NLRP1: variants seen among roughly 807,000 people sequenced by gnomAD.
The protein encoded by NLRP1 is NACHT, LRR and PYD domains-containing protein 1.
A neutral mutation model predicts 136.7 loss-of-function variants in NLRP1; 94 were observed. That is an observed-to-expected ratio of 0.69 (90% CI 0.58 to 0.82). The LOEUF (loss-of-function observed/expected upper bound fraction) is 0.82. Ranked by LOEUF, NLRP1 falls within the 40% of genes least tolerant of loss-of-function variation. The probability of loss-of-function intolerance (pLI) is 0.00; values close to 1 mark genes in which losing one functional copy is unlikely to be tolerated. For synonymous variants in NLRP1, 690 were observed against 725.1 expected (o/e 0.95, Z 0.78); for missense variants, 1,575 against 1,802.7 (o/e 0.87, Z 2.29).
At chr17:5,581,828 C>G (rs200670679) in intron 3 of NLRP1, 31 bp downstream of exon 3, 82 of 1,583,344 alleles carry the variant, frequency 5.2e-5, no homozygotes, top group Non-Finnish European at 6.9e-5. Flanking sequence ...TCCCACCTCA[C>G]CACCCCGCCA....
rs866602691 is a variant in NLRP1, at chr17:5,521,688, G to C, written c.3619C>G (p.Leu1207Val). The part of the protein sequence containing the change: ...PARVELHHIV[L>V]ENPSFSPLGV... ...AAGGGGGAGAAGCTGGGGTTTTCCA[G>C]AACTATGTGATGCAGCTCCACCCTG... is the stretch of plus-strand genomic sequence containing the variant. Residue 1207 changes from leucine to valine, a missense_variant, in exon 13 of 17, where the codon CTG (leucine) becomes GTG (valine). Transcript: ENST00000572272. 2 of 1,613,668 alleles carry C rather than the reference G, an allele frequency of 1.2e-6. No individual in the cohort carries two copies. The highest frequency in any genetic ancestry group is 4.5e-5 in the East Asian group (2 of 44,890).
In NLRP1 at chr17:5,584,272, T is replaced by C. The variant is rs201572973; in HGVS notation, c.-315A>G. On this transcript the variant is annotated 5_prime_UTR_variant, in exon 1 of 17. Coordinates refer to ENST00000572272, the MANE Select transcript of NLRP1 (RefSeq NM_033004.4). The stretch of plus-strand genomic sequence containing the variant: ...TGAGGGGAGATGTGGTGACGGGAGA[T>C]GGGGTGTGGGCAACGCTCACTGTTC... 2 of 441,628 alleles carry C rather than the reference T, an allele frequency of 4.5e-6. No individual in the cohort carries two copies. The highest frequency in any genetic ancestry group is 4.2e-6 in the Non-Finnish European group (1 of 240,760). The allele number at this position is 441,628 out of a possible 1,614,324, so 27.4% of individuals were successfully genotyped here.
intron 12 of NLRP1, 129 bp from the exon 13 acceptor site, chr17:5,521,915 C>T: frequency 1.1e-6 from 1 of 914,898 alleles, no homozygotes; most frequent in Non-Finnish European, 1.6e-6. Flanking sequence ...ACCTCCGCCT[C>T]CTGGGTTCAA....
intron 11 of NLRP1, among the ~76,000 whole-genome samples, chr17:5,531,105 A>G (rs1419848149): frequency 6.6e-6 from 1 of 152,164 alleles, no homozygotes; most frequent in Non-Finnish European, 1.5e-5. Flanking sequence ...AATAATTAAT[A>G]ACAATATATG....
rs138937868 is a variant in NLRP1, at chr17:5,551,986, G to A, written c.2528+1400C>T. On this transcript the variant is annotated intron_variant, in intron 5 of 16. Coordinates refer to ENST00000572272, the MANE Select transcript of NLRP1 (RefSeq NM_033004.4). ...GACAGAGTCTCTCTATGTTGCCCAG[G>A]CTGGTCTCAAACTCCTGGCCTAAGG... is the stretch of plus-strand genomic sequence containing the variant. Among the ~76,000 whole-genome samples, 165 of 151,868 alleles carry A rather than the reference G, an allele frequency of 1.1e-3. 2 individuals carry two copies. Among genetic ancestry groups the A allele is most frequent in the East Asian group, 5.4e-3 (28 of 5,168 alleles).
Position 5,533,978 on chromosome 17 carries a change from C to T in NLRP1, c.2971G>A (p.Val991Met). The T allele has an allele frequency of 6.2e-7, 1 of 1,609,900 alleles. No individual in the cohort carries two copies. Among genetic ancestry groups the T allele is most frequent in the African/African-American group, 1.3e-5 (1 of 74,964 alleles). ...LLIFSRRKPS[V>M]MTPTEGLDTG... ...TCCAGGCCCTCAGTAGGGGTCATCA[C>T]ACTTGGTTTCCTGGACAAAGAATTG... Residue 991 changes from valine to methionine, a missense_variant, in exon 9 of 17, where the codon GTG becomes ATG. Transcript: ENST00000572272.
chr17:5,506,769 G>A (rs1907357371), intron 15 of NLRP1, among the ~76,000 whole-genome samples: 1 of 151,610 alleles, frequency 6.6e-6, no homozygotes, highest in Non-Finnish European at 1.5e-5. Flanking sequence ...GGGCATGATG[G>A]TCGACACCTG....
Position 5,558,485 on chromosome 17 carries a change from A to G in NLRP1, c.2211T>C (p.His737=), listed in dbSNP as rs970466822. Reference sequence around the variant, plus strand: ...CTACACACATGCCCATTTCTTCGAAATGGGCCATCACTTGTGTCAGGAACG... The same window carrying G: ...CTACACACATGCCCATTTCTTCGAAGTGGGCCATCACTTGTGTCAGGAACG... ...NKTFLTQVMA[H]FEEMGMCVET... is the part of the protein sequence containing the mutation. The change falls in exon 4 of 17, where the codon CAT becomes CAC. Residue 737 remains histidine, a synonymous_variant. Coordinates refer to ENST00000572272, the MANE Select transcript of NLRP1 (RefSeq NM_033004.4). The G allele has an allele frequency of 5.0e-6, 8 of 1,613,952 alleles. No homozygotes were observed. The highest frequency in any genetic ancestry group is 4.2e-6 in the Non-Finnish European group (5 of 1,180,034).
chr17:5,549,436 G>A (rs941427538), intron 5 of NLRP1, among the ~76,000 whole-genome samples: 2 of 151,784 alleles, frequency 1.3e-5, no homozygotes, highest in Admixed American at 6.6e-5. Flanking sequence ...GTGCCACCAC[G>A]CCCGGCTAAT....
intron 3 of NLRP1, among the ~76,000 whole-genome samples, chr17:5,571,572 C>T (rs183133969): frequency 3.9e-5 from 6 of 152,242 alleles, no homozygotes; most frequent in Admixed American, 3.3e-4. Context: ...GCAAGAACTA[C>T]AAAACACTGC....
chr17:5,584,012 TCAGG>T lies in NLRP1; in HGVS notation c.-59_-56del. 6.5e-7 allele frequency: 1 copy of T among 1,549,836 alleles called. No individual in the cohort carries two copies. The highest frequency in any genetic ancestry group is 8.8e-7 in the Non-Finnish European group (1 of 1,139,932). On this transcript the variant is annotated 5_prime_UTR_variant, in exon 1 of 17. Coordinates refer to ENST00000572272, the MANE Select transcript of NLRP1 (RefSeq NM_033004.4). ...GGGATGTTCCCAGGTGGTGAGGGTA[TCAGG>T]CAGGCAGAGAACAGTGCTGTCCTTT...
rs1347045059 is a variant in NLRP1, at chr17:5,558,526, C to T, written c.2170G>A (p.Glu724Lys). ...HSLESLHCLY[E>K]TRNKTFLTQV... ...GTCAGGAACGTTTTGTTCCGAGTCT[C>T]GTACAAGCAGTGGAGGGACTCCAGA... is the stretch of plus-strand genomic sequence containing the variant. The change falls in exon 4 of 17, where the codon GAG becomes AAG. Residue 724 changes from glutamate (E) to lysine (K), a missense_variant. Glu to Lys is a moderately conservative substitution (Grantham distance 56, BLOSUM62 1). Transcript: ENST00000572272. 2.5e-6 allele frequency: 4 copies of T among 1,614,010 alleles called. No homozygotes were observed. Among genetic ancestry groups the T allele is most frequent in the Non-Finnish European group, 2.5e-6 (3 of 1,180,000 alleles).
intron 11 of NLRP1, 36 bp from the exon 12 acceptor site, chr17:5,530,740 C>T (rs765866994): frequency 1.5e-5 from 23 of 1,539,784 alleles, no homozygotes; most frequent in Middle Eastern, 3.4e-4. Context: ...ACTTACTGCA[C>T]GAACTCACTG....
chr17:5,509,274 T>TC (rs1907507015), downstream of NLRP1, among the ~76,000 whole-genome samples: 1 of 152,106 alleles, frequency 6.6e-6, no homozygotes, highest in African/African-American at 2.4e-5. Flanking sequence ...CTCAATGGGG[T>TC]CCCCACAATC....
chr17:5,541,793 C>G lies in NLRP1; in HGVS notation c.2699+64G>C. ...GTCTCACCTTCTCTCTGCTCTTACC[C>G]TCTGCCTGCCTCATGGTGGCAGGCA... On this transcript the variant is annotated intron_variant, in intron 6 of 16. Coordinates refer to ENST00000572272, the MANE Select transcript of NLRP1 (RefSeq NM_033004.4). The surrounding 1 kb of genome is among the most constrained non-coding windows in gnomAD (Gnocchi z 4.2). The G allele has an allele frequency of 6.5e-7, 1 of 1,541,228 alleles. No individual in the cohort carries two copies. Among genetic ancestry groups the G allele is most frequent in the Non-Finnish European group, 8.9e-7 (1 of 1,120,424 alleles).
intron 8 of NLRP1, 87 bp from the exon 9 acceptor site, chr17:5,534,075 C>T: frequency 1.1e-6 from 1 of 949,002 alleles, no homozygotes; most frequent in Non-Finnish European, 1.7e-6. Flanking sequence ...TTCAACTCCT[C>T]CTCGGGTCGG....
At chr17:5,506,335 C>G (rs73341265) in intron 15 of NLRP1, among the ~76,000 whole-genome samples, 42,439 of 151,400 alleles carry the variant, frequency 0.28, 6,409 homozygotes, top group African/African-American at 0.4. Context: ...CATCATTCTT[C>G]TCCTTCCATT....
intron 15 of NLRP1, among the ~76,000 whole-genome samples, chr17:5,508,549 C>T (rs527899070): frequency 2.6e-5 from 4 of 152,188 alleles, no homozygotes; most frequent in East Asian, 1.9e-4. Flanking sequence ...TAAAGGATAA[C>T]GAAAAGCTCT....
chr17:5,575,839 T>A (rs1904959749), intron 3 of NLRP1, among the ~76,000 whole-genome samples: 1 of 152,166 alleles, frequency 6.6e-6, no homozygotes, highest in African/African-American at 2.4e-5. Context: ...CAGCACACAT[T>A]GCGCTTATTC....
Sources: allele counts gnomAD v4.1 joint callset (sites outside exome capture counted in the v4.1 genomes callset), GRCh38; gene constraint gnomAD v4.1.1; non-coding constraint Gnocchi (gnomAD v3.1); transcripts MANE v1.5; gene names NCBI Gene and HGNC (gene_info 2026-07-23, HGNC 2026-07-21).